Variants in COG5 observed in about 807,000 individuals in gnomAD.
COG5 encodes component of oligomeric golgi complex 5, also known as conserved oligomeric Golgi complex subunit 5.
COG5 carries 86 observed loss-of-function variants against 110.4 expected under a neutral mutation model. That is an observed-to-expected ratio of 0.78 (90% confidence interval 0.65 to 0.93). The LOEUF (loss-of-function observed/expected upper bound fraction) is 0.93. COG5 is among the 40% of genes least tolerant of loss of function. The pLI is 0.00. For missense variants in COG5, 1,077 were observed against 987.0 expected, an observed-to-expected ratio of 1.09 and a Z score of -1.22; for synonymous variants, 360 against 334.6, an observed-to-expected ratio of 1.08 and a Z score of -0.83.
intron 6 of COG5, among the ~76,000 whole-genome samples, chr7:107,495,797 C>G: frequency 6.6e-6 from 1 of 151,648 alleles, no homozygotes; most frequent in Admixed American, 6.6e-5. Flanking sequence ...AGTGCACAAA[C>G]AAAATAAAAT....
intron 18 of COG5, among the ~76,000 whole-genome samples, chr7:107,234,396 GAAT>G (rs1801005986): frequency 6.6e-6 from 1 of 152,308 alleles, no homozygotes; most frequent in South Asian, 2.1e-4. Flanking sequence ...ATAACATTTT[GAAT>G]AATGCAGTTT....
intron 16 of COG5, among the ~76,000 whole-genome samples, chr7:107,254,151 A>G (rs1802716359): frequency 6.6e-6 from 1 of 152,180 alleles, no homozygotes; most frequent in South Asian, 2.1e-4. Context: ...AATAACATTT[A>G]ATTTTGGATA....
intron 1 of COG5, among the ~76,000 whole-genome samples, chr7:107,561,793 G>T (rs1165191774): frequency 3.3e-5 from 5 of 152,108 alleles, no homozygotes; most frequent in Non-Finnish European, 7.4e-5. Context: ...TGGCTAACAC[G>T]GTGAAACCCC....
intron 16 of COG5, among the ~76,000 whole-genome samples, chr7:107,251,266 C>A (rs1286501999): frequency 6.6e-6 from 1 of 151,956 alleles, no homozygotes; most frequent in African/African-American, 2.4e-5. Flanking sequence ...TCTTTCAAAC[C>A]CATATTTCTA....
At chr7:107,301,045 A>T (rs1584645240) in intron 11 of COG5, among the ~76,000 whole-genome samples, 1 of 152,348 alleles carries the variant, frequency 6.6e-6, no homozygotes, top group Middle Eastern at 3.4e-3. Context: ...ACAATTTAGT[A>T]GACACAGGGT....
rs113749481 is a variant in COG5 at position 107,432,079 on chromosome 7, A to G, written c.539-19447T>C. Among the ~76,000 whole-genome samples the G allele has an allele frequency of 3.3e-5, 5 of 152,292 alleles. No individual in the cohort carries two copies. In the East Asian group the frequency reaches 9.6e-4, roughly 29 times the overall value. ...ACATTTTATTGTAAAAATATCATGA[A>G]AGAAGAGAGAATGATCCTTTGTACC... On this transcript the variant is annotated intron_variant, in intron 6 of 21. Transcript: ENST00000297135.
chr7:107,353,356 C>T (rs1423104570), intron 10 of COG5, among the ~76,000 whole-genome samples: 4 of 134,176 alleles, frequency 3.0e-5, no homozygotes, highest in Admixed American at 1.6e-4. Flanking sequence ...ACCCGGGAGG[C>T]GGAGCTTGCA....
intron 6 of COG5, among the ~76,000 whole-genome samples, chr7:107,478,641 T>C (rs1185881096): frequency 6.6e-6 from 1 of 152,026 alleles, no homozygotes; most frequent in Non-Finnish European, 1.5e-5. Context: ...TAGTTATGTA[T>C]GTATAGGAAA....
chr7:107,316,832 G>A (rs1414744428), intron 11 of COG5, among the ~76,000 whole-genome samples: 1 of 150,450 alleles, frequency 6.6e-6, no homozygotes, highest in Non-Finnish European at 1.5e-5. Context: ...CTCTGTCTCA[G>A]GAAAAAAAAA....
At position 107,452,013 on chromosome 7, in the gene COG5, C is replaced by T. The variant is rs115058105; in HGVS notation, c.539-39381G>A. On this transcript the variant is annotated intron_variant, in intron 6 of 21. Coordinates refer to ENST00000297135, the MANE Select transcript of COG5 (RefSeq NM_006348.5). ...ATCCCTCACAGAACCATTCCTCCTACGAATGGTTCAGTGAGTAGACCTACT... is the reference window on the plus strand; with the variant it reads ...ATCCCTCACAGAACCATTCCTCCTATGAATGGTTCAGTGAGTAGACCTACT... Among the ~76,000 whole-genome samples the T allele has an allele frequency of 1.2e-3, 189 of 152,212 alleles. 2 individuals are homozygous for T. The highest frequency in any genetic ancestry group is 4.3e-3 in the African/African-American group (180 of 41,532).
chr7:107,404,498 T>C (rs1034142520), intron 7 of COG5, among the ~76,000 whole-genome samples: 1 of 152,158 alleles, frequency 6.6e-6, no homozygotes, highest in African/African-American at 2.4e-5. Flanking sequence ...ACATATAAGC[T>C]GTAGCATCTG....
chr7:107,300,046 T>C (rs961053762), intron 11 of COG5, among the ~76,000 whole-genome samples: 2 of 151,600 alleles, frequency 1.3e-5, no homozygotes, highest in African/African-American at 2.4e-5. Flanking sequence ...AATCAATCAA[T>C]GTGATTCATA....
chr7:107,469,826 A>G (rs1796524722), intron 6 of COG5, among the ~76,000 whole-genome samples: 1 of 152,074 alleles, frequency 6.6e-6, no homozygotes, highest in Non-Finnish European at 1.5e-5. Context: ...AACAAACCAG[A>G]ATAGAATACA....
chr7:107,432,705 A>G (rs1794106930), intron 6 of COG5, among the ~76,000 whole-genome samples: 2 of 152,190 alleles, frequency 1.3e-5, no homozygotes, highest in Admixed American at 1.3e-4. Context: ...GTCATATTCT[A>G]TTTATAGTAC....
rs768391272 is a variant in COG5, at chr7:107,474,942, C to T, written c.538+52295G>A. 2 of 1,612,482 alleles carry T rather than the reference C, an allele frequency of 1.2e-6. No homozygotes were observed. Among genetic ancestry groups the T allele is most frequent in the African/African-American group, 1.3e-5 (1 of 74,766 alleles). ...CTTCAGTTTCTGTAATAATTGCCCTCCGGCGAGCTGTGAAACGACACCGTG... is the reference window on the plus strand; with the variant it reads ...CTTCAGTTTCTGTAATAATTGCCCTTCGGCGAGCTGTGAAACGACACCGTG... On this transcript the variant is annotated intron_variant, in intron 6 of 21. Transcript: ENST00000297135. The surrounding 1 kb of genome is among the most constrained non-coding windows in gnomAD (Gnocchi z 5.7).
At chr7:107,422,542 T>A (rs1193404674) in intron 6 of COG5, among the ~76,000 whole-genome samples, 1 of 151,732 alleles carries the variant, frequency 6.6e-6, no homozygotes, top group African/African-American at 2.4e-5. Flanking sequence ...AAAACAAAAC[T>A]AAACTAAAAT....
intron 12 of COG5, among the ~76,000 whole-genome samples, chr7:107,284,108 A>G (rs1184046464): frequency 6.6e-6 from 1 of 152,090 alleles, no homozygotes; most frequent in Non-Finnish European, 1.5e-5. Flanking sequence ...TATTTTTAGT[A>G]GAGACAGGGT....
At chr7:107,534,636 T>C (rs1801449301) in intron 5 of COG5, among the ~76,000 whole-genome samples, 1 of 151,536 alleles carries the variant, frequency 6.6e-6, no homozygotes, top group South Asian at 2.1e-4. Flanking sequence ...TAAATATATA[T>C]GCACGCAATA....
chr7:107,545,796 A>G (rs921361859), intron 5 of COG5, among the ~76,000 whole-genome samples: 14 of 150,738 alleles, frequency 9.3e-5, no homozygotes, highest in South Asian at 2.1e-4. Flanking sequence ...AAAAAAAAAA[A>G]AAAGAAAAGA....
Sources: allele counts gnomAD v4.1 joint callset (sites outside exome capture counted in the v4.1 genomes callset), GRCh38; gene constraint gnomAD v4.1.1; non-coding constraint Gnocchi (gnomAD v3.1); transcripts MANE v1.5; gene names NCBI Gene and HGNC (gene_info 2026-07-23, HGNC 2026-07-21).